Variants in PDE4D observed in about 807,000 individuals in gnomAD.
The protein encoded by PDE4D is phosphodiesterase 4D.
PDE4D carries 24 observed loss-of-function variants against 87.4 expected under a neutral mutation model. The observed-to-expected ratio is 0.27, with a 90% confidence interval of 0.20 to 0.39. The LOEUF is 0.39. Ranked by LOEUF, PDE4D falls within the 10% of genes least tolerant of loss-of-function variation. PDE4D has a pLI of 1.00. For missense variants in PDE4D, 714 were observed against 1,041.0 expected, an observed-to-expected ratio of 0.69 and a Z score of 4.32; for synonymous variants, 384 against 383.2, an observed-to-expected ratio of 1.00 and a Z score of -0.02.
chr5:59,308,726 G>A (rs1270167560), intron 1 of PDE4D, among the ~76,000 whole-genome samples: 1 of 151,988 alleles, frequency 6.6e-6, no homozygotes, highest in Non-Finnish European at 1.5e-5. Context: ...CTCTATTTTT[G>A]TGCTGGCTGG....
intron 1 of PDE4D, among the ~76,000 whole-genome samples, chr5:59,247,457 C>T (rs1333657178): frequency 1.3e-5 from 2 of 152,024 alleles, no homozygotes; most frequent in African/African-American, 2.4e-5. Context: ...CCAGAGCCTC[C>T]GTAATGGGCA....
intron 5 of PDE4D, among the ~76,000 whole-genome samples, chr5:59,121,634 C>G (rs1187614663): frequency 1.3e-5 from 2 of 152,072 alleles, no homozygotes; most frequent in Non-Finnish European, 2.9e-5. Context: ...TAAATTAGTA[C>G]AGCCACTATG....
intron 1 of PDE4D, among the ~76,000 whole-genome samples, chr5:59,726,537 C>A (rs1205956502): frequency 2.0e-5 from 3 of 152,030 alleles, no homozygotes; most frequent in African/African-American, 7.2e-5. Flanking sequence ...AGAGGGCCCC[C>A]AATAGAACCT....
intron 2 of PDE4D, among the ~76,000 whole-genome samples, chr5:59,990,810 G>A (rs979539773): frequency 1.1e-4 from 17 of 152,096 alleles, no homozygotes; most frequent in Admixed American, 6.6e-4. Flanking sequence ...CATGGCTAGT[G>A]GGGTGATTAA....
chr5:59,227,773 G>T (rs1754148421), intron 1 of PDE4D, among the ~76,000 whole-genome samples: 1 of 152,110 alleles, frequency 6.6e-6, no homozygotes, highest in Non-Finnish European at 1.5e-5. Context: ...GCAGAGAAAA[G>T]GAAACGCTTA....
chr5:60,353,457 C>T (rs1291949262), intron 1 of PDE4D, among the ~76,000 whole-genome samples: 1 of 152,230 alleles, frequency 6.6e-6, no homozygotes, highest in African/African-American at 2.4e-5. Flanking sequence ...AAGATATCCC[C>T]ATAACCCTCT....
At chr5:59,092,399 A>T (rs536615238) in intron 5 of PDE4D, among the ~76,000 whole-genome samples, 1 of 152,316 alleles carries the variant, frequency 6.6e-6, no homozygotes, top group South Asian at 2.1e-4. Context: ...AGTCTCATGC[A>T]GTCCTCATAA....
intron 3 of PDE4D, among the ~76,000 whole-genome samples, chr5:59,935,236 C>A (rs1313289783): frequency 6.6e-6 from 1 of 151,788 alleles, no homozygotes; most frequent in Non-Finnish European, 1.5e-5. Context: ...GATGGGAGTT[C>A]CCAAGGAGAA....
At chr5:59,565,977 A>G (rs750030371) in intron 1 of PDE4D, among the ~76,000 whole-genome samples, 2 of 152,238 alleles carry the variant, frequency 1.3e-5, no homozygotes, top group African/African-American at 2.4e-5. Flanking sequence ...TGCTAATGCC[A>G]CTAGGAAAAA....
chr5:60,009,860 G>A (rs1764850028), intron 2 of PDE4D, among the ~76,000 whole-genome samples: 1 of 152,092 alleles, frequency 6.6e-6, no homozygotes, highest in African/African-American at 2.4e-5. Context: ...TGACAAGGAT[G>A]AAAAGCTCAC....
intron 1 of PDE4D, among the ~76,000 whole-genome samples, chr5:60,502,970 A>T (rs1013424686): frequency 6.6e-6 from 1 of 152,148 alleles, no homozygotes; most frequent in Non-Finnish European, 1.5e-5. Context: ...AAGGTTAGGA[A>T]ATTTTTAGAA....
chr5:59,161,774 T>C (rs940837900), intron 5 of PDE4D, among the ~76,000 whole-genome samples: 1 of 152,200 alleles, frequency 6.6e-6, no homozygotes, highest in African/African-American at 2.4e-5. Flanking sequence ...TCCCCCTGTA[T>C]TTACTTAAGA....
intron 1 of PDE4D, among the ~76,000 whole-genome samples, chr5:59,545,682 TG>T (rs1291635275): frequency 6.6e-6 from 1 of 152,224 alleles, no homozygotes; most frequent in African/African-American, 2.4e-5. Context: ...TGAAGAACTT[TG>T]AAGAGCTATA....
chr5:59,587,182 G>A (rs1447768709), intron 1 of PDE4D, among the ~76,000 whole-genome samples: 1 of 152,172 alleles, frequency 6.6e-6, no homozygotes, highest in African/African-American at 2.4e-5. Flanking sequence ...AAATGACTAA[G>A]CTATTGATCT....
Position 59,416,684 on chromosome 5 carries a change from T to C in PDE4D, c.456-200716A>G, listed in dbSNP as rs369270784. Among the ~76,000 whole-genome samples, 3 of 152,326 alleles carry C rather than the reference T, an allele frequency of 2.0e-5. No individual in the cohort carries two copies. In the South Asian group the frequency reaches 6.2e-4, roughly 32 times the overall value. ...GCAATGTGTCCCCAAAGTTAGATCA[T>C]CCAGATGTTTTATGTTAATCAGAGT... On this transcript the variant is annotated intron_variant, in intron 1 of 14. Transcript: ENST00000340635.
At position 60,040,765 on chromosome 5, in the gene PDE4D, G is replaced by T. The variant is rs78419998; in HGVS notation, c.43-52048C>A. Among the ~76,000 whole-genome samples the T allele has an allele frequency of 4.3e-3, 653 of 152,100 alleles. 1 individual carries two copies. Among genetic ancestry groups the T allele is most frequent in the Non-Finnish European group, 7.2e-3 (489 of 67,982 alleles). On this transcript the variant is annotated intron_variant, in intron 2 of 16. Coordinates refer to the PDE4D transcript ENST00000502484. ...CCTCTGTCCATTCCCTAAGTATTCTGTCCGATAATTAAAAACAGACATAAA... is the reference window on the plus strand; with the variant it reads ...CCTCTGTCCATTCCCTAAGTATTCTTTCCGATAATTAAAAACAGACATAAA...
At chr5:59,572,531 A>C (rs1376839265) in intron 1 of PDE4D, among the ~76,000 whole-genome samples, 1 of 152,100 alleles carries the variant, frequency 6.6e-6, no homozygotes, top group East Asian at 1.9e-4. Context: ...CCCAGGCCGG[A>C]CTGCAGTGGC....
At chr5:59,065,407 T>A (rs1763784336) in intron 5 of PDE4D, among the ~76,000 whole-genome samples, 3 of 152,116 alleles carry the variant, frequency 2.0e-5, no homozygotes. Context: ...AGCTGCTGTA[T>A]AACATAAGTA....
intron 1 of PDE4D, among the ~76,000 whole-genome samples, chr5:59,240,178 T>C (rs1757355445): frequency 6.6e-6 from 1 of 152,136 alleles, no homozygotes; most frequent in African/African-American, 2.4e-5. Context: ...ATTGGTATAT[T>C]TACAGTCTCC....
Sources: gnomAD v4.1 joint callset for allele counts (sites outside exome capture counted in the v4.1 genomes callset) on GRCh38, gnomAD v4.1.1 for gene constraint, MANE v1.5 for transcripts, NCBI Gene and HGNC (gene_info 2026-07-23, HGNC 2026-07-21) for gene names.